The following CFAP70 variants were observed in gnomAD, a reference collection of about 807,000 sequenced individuals.
The protein encoded by CFAP70 is cilia- and flagella-associated protein 70.
CFAP70 carries 81 observed loss-of-function variants against 137.6 expected under a neutral mutation model. The ratio of observed to expected loss-of-function variants is 0.59; its 90% CI spans 0.49 to 0.71. The LOEUF is 0.71. CFAP70 is among the 30% of genes least tolerant of loss of function. The pLI is 0.00. For synonymous variants in CFAP70, 382 were observed against 423.6 expected (o/e 0.90, Z 1.20); for missense variants, 976 against 1,226.7 (o/e 0.80, Z 3.05).
chr10:73,341,259 G>T (rs2053223918), intron 6 of CFAP70, 140 bp downstream of exon 7: 1 of 692,086 alleles, frequency 1.4e-6, no homozygotes, highest in African/African-American at 1.8e-5. Flanking sequence ...ATTTGAATCA[G>T]AATTAGATAT....
chr10:73,291,408 A>G, exon 19 of CFAP70: 1 of 1,614,222 alleles, frequency 6.2e-7, no homozygotes, highest in Non-Finnish European at 8.5e-7. Context: ...TGCCATTTCC[A>G]TTCGAATATC....
At chr10:73,277,411 T>G (rs1246480987) in intron 20 of CFAP70, 50 bp from the exon 22 acceptor site, 1 of 1,595,170 alleles carries the variant, frequency 6.3e-7, no homozygotes, top group African/African-American at 1.3e-5. Flanking sequence ...ACAGAAAAAG[T>G]GTCAGAAATT....
intron 6 of CFAP70, among the ~76,000 whole-genome samples, chr10:73,337,366 C>A (rs551685708): frequency 6.6e-6 from 1 of 152,126 alleles, no homozygotes; most frequent in Non-Finnish European, 1.5e-5. Flanking sequence ...TGCCTGTAAT[C>A]TCAGCTATTC....
chr10:73,274,208 T>C (rs2046526384), intron 23 of CFAP70, among the ~76,000 whole-genome samples: 1 of 152,248 alleles, frequency 6.6e-6, no homozygotes, highest in African/African-American at 2.4e-5. Context: ...AAGAACTGTT[T>C]AGTAGCATAA....
chr10:73,292,077 A>G, intron 16 of CFAP70, 63 bp from the exon 18 acceptor site: 1 of 1,570,426 alleles, frequency 6.4e-7, no homozygotes, highest in Non-Finnish European at 8.7e-7. Flanking sequence ...ATACGACATC[A>G]CATGGTAAAC....
chr10:73,354,647 T>C (rs752392468), intron 2 of CFAP70, 87 bp downstream of exon 2: 92 of 1,052,552 alleles, frequency 8.7e-5, no homozygotes, highest in Non-Finnish European at 1.2e-4. Context: ...CCAGGAGGTT[T>C]GGAGGTAGAG....
chr10:73,333,992 A>G (rs2052375387), intron 7 of CFAP70, among the ~76,000 whole-genome samples: 1 of 152,240 alleles, frequency 6.6e-6, no homozygotes, highest in East Asian at 1.9e-4. Flanking sequence ...CAAGTGGGTG[A>G]CCAGGGGTAT....
chr10:73,254,555 T>C (rs6480688), intron 26 of CFAP70, among the ~76,000 whole-genome samples: 23,292 of 152,114 alleles, frequency 0.15, 2,907 homozygotes, highest in African/African-American at 0.32. Context: ...TTCAAGGCAG[T>C]AATGCAGTCA....
rs569980662 is a variant in CFAP70 at position 73,337,368 on chromosome 10, C to T, written c.583-1844G>A. On this transcript the variant is annotated intron_variant, in intron 6 of 26. Coordinates refer to ENST00000310715, the Ensembl canonical transcript of CFAP70. Reference sequence around the variant, plus strand: ...GCATGGTGGCGTGTGCCTGTAATCTCAGCTATTCAGGTGGCTGAGGCATGA... The same window carrying T: ...GCATGGTGGCGTGTGCCTGTAATCTTAGCTATTCAGGTGGCTGAGGCATGA... Among the ~76,000 whole-genome samples the T allele has an allele frequency of 1.2e-3, 183 of 152,182 alleles. 1 individual carries two copies. The highest frequency in any genetic ancestry group is 7.9e-4 in the Non-Finnish European group (54 of 67,986).
At chr10:73,316,756 CTA>C (rs1241798839) in intron 9 of CFAP70, among the ~76,000 whole-genome samples, 1 of 151,868 alleles carries the variant, frequency 6.6e-6, no homozygotes, top group African/African-American at 2.4e-5. Context: ...TAAATTAAAT[CTA>C]TATGTTAACC....
rs1276366921 is a variant in CFAP70, at chr10:73,348,547, G to A, written c.251-26C>T. The A allele has an allele frequency of 6.3e-6, 9 of 1,436,062 alleles. No homozygotes were observed. The South Asian group carries it at 1.3e-4, about 20-fold the overall frequency. The allele number at this position is 1,436,062 out of a possible 1,614,324, so 89.0% of individuals were successfully genotyped here. A position where few individuals can be genotyped will look rare whatever the true frequency, so the allele number is the denominator to read the frequency against. ...CTAGAAAAATCAAAACAAAGAAAATGAGACATTTAAAACACATCTATCCGA... is the reference window on the plus strand; with the variant it reads ...CTAGAAAAATCAAAACAAAGAAAATAAGACATTTAAAACACATCTATCCGA... On this transcript the variant is annotated intron_variant, in intron 3 of 26. Coordinates refer to ENST00000310715, the Ensembl canonical transcript of CFAP70.
chr10:73,273,008 C>A, exon 24 of CFAP70: 1 of 1,550,518 alleles, frequency 6.4e-7, no homozygotes, highest in East Asian at 2.4e-5. Flanking sequence ...GTTTTCTTTG[C>A]CTTTTCATAC....
At position 73,293,436 on chromosome 10, in the gene CFAP70, G is replaced by GT. The variant is rs2048319605; in HGVS notation, c.1645-49dup. ...GTAGACAAAAATGAAACAATTACAA[G>GT]TAGAGAGGTTTCATAAGCATAAATC... On this transcript the variant is annotated intron_variant, in intron 15 of 26. Coordinates refer to ENST00000310715, the Ensembl canonical transcript of CFAP70. The GT allele has an allele frequency of 2.7e-6, 4 of 1,505,006 alleles. No individual in the cohort carries two copies. In the Admixed American group the frequency reaches 6.5e-5, roughly 24 times the overall value. The allele number at this position is 1,505,006 out of a possible 1,614,324, so 93.2% of individuals were successfully genotyped here.
At chr10:73,304,211 G>A (rs530248250) in intron 12 of CFAP70, among the ~76,000 whole-genome samples, 24 of 151,966 alleles carry the variant, frequency 1.6e-4, no homozygotes, top group African/African-American at 5.1e-4. Context: ...CCACCATCAC[G>A]CCCGGCTAAT....
chr10:73,362,833 C>T (rs1383570289), upstream of CFAP70, among the ~76,000 whole-genome samples: 2 of 151,990 alleles, frequency 1.3e-5, no homozygotes, highest in Non-Finnish European at 2.9e-5. Flanking sequence ...AAGTGGCTAT[C>T]CTTGTCTTGT....
At chr10:73,314,736 T>A (rs1589448503) in intron 9 of CFAP70, among the ~76,000 whole-genome samples, 1 of 152,170 alleles carries the variant, frequency 6.6e-6, no homozygotes, top group East Asian at 2.0e-4. Context: ...GCCTCCTGAG[T>A]AGCTGGGACA....
chr10:73,314,857 G>A (rs542815055), intron 9 of CFAP70, among the ~76,000 whole-genome samples: 17 of 151,342 alleles, frequency 1.1e-4, no homozygotes, highest in African/African-American at 3.9e-4. Context: ...TGCCCACCTC[G>A]GCCTCCCAAA....
chr10:73,357,676 T>C (rs1341460882), intron 1 of CFAP70, among the ~76,000 whole-genome samples: 1 of 152,188 alleles, frequency 6.6e-6, no homozygotes, highest in Non-Finnish European at 1.5e-5. Flanking sequence ...GCCAGTCAAC[T>C]CCCCTCTTCT....
At chr10:73,324,371 C>T (rs527362578) in intron 8 of CFAP70, among the ~76,000 whole-genome samples, 42 of 152,250 alleles carry the variant, frequency 2.8e-4, no homozygotes, top group African/African-American at 9.6e-4. Context: ...GTAGATAAAA[C>T]CACAAAGATG....
Sources: gnomAD v4.1 joint callset for allele counts (sites outside exome capture counted in the v4.1 genomes callset) on GRCh38, gnomAD v4.1.1 for gene constraint, MANE v1.5 for transcripts, NCBI Gene and HGNC (gene_info 2026-07-23, HGNC 2026-07-21) for gene names.